CDH13: variants seen among roughly 807,000 people sequenced by gnomAD.
The protein encoded by CDH13 is cadherin-13.
Under a neutral mutation model 63.8 loss-of-function variants are expected in CDH13, and 24 were observed. The ratio of observed to expected loss-of-function variants is 0.38; its 90% CI spans 0.27 to 0.53. The LOEUF (loss-of-function observed/expected upper bound fraction) is 0.53. Ranked by LOEUF, CDH13 falls within the 20% of genes least tolerant of loss-of-function variation. The pLI is 0.85. For synonymous variants in CDH13, 503 were observed against 355.3 expected (o/e 1.42, Z -4.67); for missense variants, 1,049 against 903.1 (o/e 1.16, Z -2.07).
At chr16:82,993,085 A>T (rs989998505) in intron 2 of CDH13, among the ~76,000 whole-genome samples, 3 of 152,150 alleles carry the variant, frequency 2.0e-5, no homozygotes, top group African/African-American at 7.2e-5. Context: ...CTATCTTCTG[A>T]TTCCACCTTT....
rs113355726 is a variant in CDH13 at position 83,029,179 on chromosome 16, T to A, written c.158-2831T>A. 7.3e-4 allele frequency among the ~76,000 whole-genome samples: 111 copies of A among 152,322 alleles called. 1 individual carries two copies. The highest frequency in any genetic ancestry group is 2.5e-3 in the African/African-American group (105 of 41,582). On this transcript the variant is annotated intron_variant, in intron 2 of 13. Coordinates refer to ENST00000567109, the MANE Select transcript of CDH13 (RefSeq NM_001257.5). ...CCACTATTATTATCAGTTAATATGATTATTATCACCCTAAGTATCATCTTC... is the reference window on the plus strand; with the variant it reads ...CCACTATTATTATCAGTTAATATGAATATTATCACCCTAAGTATCATCTTC...
chr16:83,424,248 C>G (rs550337856), intron 6 of CDH13, among the ~76,000 whole-genome samples: 2 of 149,524 alleles, frequency 1.3e-5, no homozygotes, highest in African/African-American at 4.8e-5. Flanking sequence ...GAAAATCCAA[C>G]ATGGACTGGA....
At chr16:83,629,035 G>A (rs903998891) in intron 8 of CDH13, among the ~76,000 whole-genome samples, 4 of 152,052 alleles carry the variant, frequency 2.6e-5, no homozygotes, top group Admixed American at 6.5e-5. Flanking sequence ...GGTAATTGCT[G>A]GCCTATAAAA....
chr16:82,941,501 T>C (rs1394265809), intron 2 of CDH13, among the ~76,000 whole-genome samples: 2 of 152,222 alleles, frequency 1.3e-5, no homozygotes, highest in Non-Finnish European at 2.9e-5. Context: ...AATCCACGTG[T>C]AGAAAATAGC....
At chr16:83,485,610 G>A (rs970099538) in intron 6 of CDH13, among the ~76,000 whole-genome samples, 2 of 152,018 alleles carry the variant, frequency 1.3e-5, no homozygotes, top group Non-Finnish European at 2.9e-5. Context: ...ACTTGTTCCT[G>A]CCTACTCTCT....
At chr16:83,385,024 C>T (rs1216344508) in intron 6 of CDH13, among the ~76,000 whole-genome samples, 1 of 152,192 alleles carries the variant, frequency 6.6e-6, no homozygotes, top group Non-Finnish European at 1.5e-5. Flanking sequence ...AAACAGCAGC[C>T]AGCTCCCAGC....
intron 6 of CDH13, among the ~76,000 whole-genome samples, chr16:83,406,031 C>A (rs953686995): frequency 2.6e-5 from 4 of 152,198 alleles, no homozygotes; most frequent in Non-Finnish European, 4.4e-5. Context: ...AGCAGCTTCT[C>A]CCCGCTTTTC....
chr16:83,187,453 ACTATTCAG>A (rs1597485649), intron 4 of CDH13, among the ~76,000 whole-genome samples: 1 of 151,990 alleles, frequency 6.6e-6, no homozygotes, highest in South Asian at 2.1e-4. Context: ...GGCAAAGGTG[ACTATTCAG>A]AACCAGGGTT....
In CDH13 at chr16:83,072,401, C is replaced by G. The variant is rs78974982; in HGVS notation, c.366+40183C>G. Among the ~76,000 whole-genome samples the G allele has an allele frequency of 2.6e-5, 4 of 152,304 alleles. No individual in the cohort carries two copies. In the South Asian group the frequency reaches 6.2e-4, roughly 24 times the overall value. Reference sequence around the variant, plus strand: ...CATGTACATTACAATATGATCCTGTCTTCCAGACCATAAACACAATTAGTT... The same window carrying G: ...CATGTACATTACAATATGATCCTGTGTTCCAGACCATAAACACAATTAGTT... On this transcript the variant is annotated intron_variant, in intron 3 of 13. Transcript: ENST00000567109.
At chr16:82,628,526 G>T (rs767936194) in intron 1 of CDH13, among the ~76,000 whole-genome samples, 12 of 152,146 alleles carry the variant, frequency 7.9e-5, no homozygotes, top group South Asian at 2.1e-4. Flanking sequence ...ATGGGTGATA[G>T]TACCAGGGGA....
chr16:82,691,200 G>C (rs1200580453), intron 1 of CDH13, among the ~76,000 whole-genome samples: 1 of 152,178 alleles, frequency 6.6e-6, no homozygotes, highest in Non-Finnish European at 1.5e-5. Flanking sequence ...AGTGAGGAAA[G>C]GAAGACCAAA....
intron 4 of CDH13, among the ~76,000 whole-genome samples, chr16:83,144,464 G>A (rs1349261738): frequency 6.6e-6 from 1 of 152,178 alleles, no homozygotes; most frequent in Non-Finnish European, 1.5e-5. Flanking sequence ...TTAAGGACAT[G>A]GGAACACATG....
chr16:82,743,750 C>G (rs1360252048), intron 1 of CDH13, among the ~76,000 whole-genome samples: 1 of 152,138 alleles, frequency 6.6e-6, no homozygotes, highest in Non-Finnish European at 1.5e-5. Context: ...TCTCACATTC[C>G]TGTCCAGAGA....
At chr16:82,668,630 T>G (rs896440394) in intron 1 of CDH13, among the ~76,000 whole-genome samples, 1 of 152,218 alleles carries the variant, frequency 6.6e-6, no homozygotes, top group Non-Finnish European at 1.5e-5. Context: ...ATCTACAGAT[T>G]CAGCATTCCT....
rs369805545 is a variant in CDH13, at chr16:82,759,051, A to G, written c.46-99311A>G. Among the ~76,000 whole-genome samples, 164 of 152,246 alleles carry G rather than the reference A, an allele frequency of 1.1e-3. 2 individuals carry two copies. Among genetic ancestry groups the G allele is most frequent in the African/African-American group, 3.7e-3 (155 of 41,558 alleles). On this transcript the variant is annotated intron_variant, in intron 1 of 13. Transcript: ENST00000567109. ...GCTTTCTCAGCATTGGGGGCTTATT[A>G]AGCAGCAAGCAAGTCAGTCCTGTAA...
rs768461750 is a variant in CDH13, at chr16:83,780,207, T to A, written c.1915+6T>A. ...GAAGATCTCCAAGATCAACAGTAAG[T>A]CTGGCTAAAGCATTTCTGCCTATTC... On this transcript the variant is annotated splice_donor_region_variant and intron_variant, in intron 12 of 13. Coordinates refer to ENST00000567109, the MANE Select transcript of CDH13 (RefSeq NM_001257.5). 6.4e-7 allele frequency: 1 copy of A among 1,560,342 alleles called. No homozygotes were observed. The highest frequency in any genetic ancestry group is 8.7e-7 in the Non-Finnish European group (1 of 1,142,886).
At chr16:82,855,103 G>A (rs572067772) in intron 1 of CDH13, among the ~76,000 whole-genome samples, 1 of 152,328 alleles carries the variant, frequency 6.6e-6, no homozygotes, top group East Asian at 1.9e-4. Context: ...TAGGTGAAGT[G>A]TCCCAAGAAT....
intron 3 of CDH13, among the ~76,000 whole-genome samples, chr16:83,083,847 C>A (rs9933666): frequency 0.48 from 72,202 of 151,992 alleles, 17,507 homozygotes; most frequent in East Asian, 0.69. Flanking sequence ...GCTATTATCC[C>A]ACCCATTTGC....
At chr16:83,684,951 C>T (rs993303203) in intron 10 of CDH13, among the ~76,000 whole-genome samples, 6 of 152,084 alleles carry the variant, frequency 3.9e-5, no homozygotes, top group African/African-American at 1.2e-4. Context: ...CAGCCCCACA[C>T]GGCCCCACAC....
Sources: gnomAD v4.1 joint callset for allele counts (sites outside exome capture counted in the v4.1 genomes callset) on GRCh38, gnomAD v4.1.1 for gene constraint, MANE v1.5 for transcripts, NCBI Gene and HGNC (gene_info 2026-07-23, HGNC 2026-07-21) for gene names.